FBXO34: variants seen among roughly 807,000 people sequenced by gnomAD.
The protein encoded by FBXO34 is F-box protein 34, also known as F-box only protein 34.
A neutral mutation model predicts 24.5 loss-of-function variants in FBXO34; 12 were observed. The ratio of observed to expected loss-of-function variants is 0.49; its 90% CI spans 0.31 to 0.79. The LOEUF (loss-of-function observed/expected upper bound fraction) is 0.79, where lower values mean the gene tolerates loss of function less well. FBXO34 is among the 30% of genes least tolerant of loss of function. The probability of loss-of-function intolerance (pLI) is 0.04; values close to 1 mark genes in which losing one functional copy is unlikely to be tolerated. For synonymous variants in FBXO34, 320 were observed against 311.9 expected (o/e 1.03, Z -0.27); for missense variants, 823 against 857.7 (o/e 0.96, Z 0.51).
chr14:55,321,553 C>T (rs972530332), intron 1 of FBXO34, among the ~76,000 whole-genome samples: 1 of 152,104 alleles, frequency 6.6e-6, no homozygotes, highest in Non-Finnish European at 1.5e-5. Context: ...AATGCCACCA[C>T]CCCCGGCTAA....
At position 55,285,327 on chromosome 14, in the gene FBXO34, G is replaced by A. The variant is rs895610398; in HGVS notation, c.-11+13790G>A. On this transcript the variant is annotated intron_variant, in intron 1 of 1. Coordinates refer to ENST00000313833, the MANE Select transcript of FBXO34 (RefSeq NM_017943.4). The stretch of plus-strand genomic sequence containing the variant: ...AGAGGTTGCAGTGAGCCGAGGTAGT[G>A]CAGTTGCACTCCAGCCTGGGCAACA... The A allele has an allele frequency of 3.3e-5, 5 of 151,524 alleles. 1 individual carries two copies. Among genetic ancestry groups the A allele is most frequent in the Admixed American group, 6.6e-5 (1 of 15,158 alleles). 9.4% of individuals were successfully genotyped at this position (151,524 alleles called of 1,614,324 possible). A position where few individuals can be genotyped will look rare whatever the true frequency, so the allele number is the denominator to read the frequency against.
the FBXO34 span, chr14:55,414,491 T>TA: frequency 6.9e-7 from 1 of 1,442,674 alleles, no homozygotes. Flanking sequence ...ATTTTTAATA[T>TA]AAAAATACCA....
the FBXO34 span, among the ~76,000 whole-genome samples, chr14:55,410,908 C>G: frequency 4.3e-5 from 6 of 141,040 alleles, no homozygotes; most frequent in Non-Finnish European, 7.8e-5. Context: ...TTTTCTTAAC[C>G]AAGAACTTGT....
downstream of FBXO34, among the ~76,000 whole-genome samples, chr14:55,354,035 G>A (rs1884481106): frequency 1.3e-5 from 2 of 152,208 alleles, no homozygotes; most frequent in Admixed American, 6.5e-5. Context: ...CTTGAGACCA[G>A]TGTCGGCTGC....
At chr14:55,419,057 C>A in the FBXO34 span, among the ~76,000 whole-genome samples, 1 of 152,242 alleles carries the variant, frequency 6.6e-6, no homozygotes, top group African/African-American at 2.4e-5. Context: ...TGCTGACCCT[C>A]ACTGCTAAGA....
the FBXO34 span, among the ~76,000 whole-genome samples, chr14:55,402,309 C>T: frequency 6.6e-6 from 1 of 152,042 alleles, no homozygotes; most frequent in Non-Finnish European, 1.5e-5. Context: ...AATGAAAAGT[C>T]TCAGAAACAC....
intron 1 of FBXO34, among the ~76,000 whole-genome samples, chr14:55,283,409 T>C (rs1881628281): frequency 6.6e-6 from 1 of 152,156 alleles, no homozygotes; most frequent in Non-Finnish European, 1.5e-5. Flanking sequence ...AGCATAATTT[T>C]ACAGATATTT....
downstream of FBXO34, among the ~76,000 whole-genome samples, chr14:55,370,686 G>A (rs898654372): frequency 6.6e-6 from 1 of 151,752 alleles, no homozygotes; most frequent in Non-Finnish European, 1.5e-5. Context: ...CTGTTGCCCA[G>A]GCTGGAGTGC....
chr14:55,334,608 G>A lies in FBXO34; in HGVS notation c.-10-15773G>A, dbSNP rs144792635. On this transcript the variant is annotated intron_variant, in intron 1 of 1. Coordinates refer to ENST00000313833, the MANE Select transcript of FBXO34 (RefSeq NM_017943.4). ...AGAAGTGGTTTCAGTAGTTGCAGTG[G>A]GTAAAGCATGATAAAGATGCTCACA... Among the ~76,000 whole-genome samples the A allele has an allele frequency of 2.6e-4, 39 of 152,016 alleles. No individual in the cohort carries two copies. In the East Asian group the frequency reaches 6.8e-3, roughly 26 times the overall value.
chr14:55,316,085 T>G (rs1228855053), intron 1 of FBXO34, among the ~76,000 whole-genome samples: 3 of 152,198 alleles, frequency 2.0e-5, no homozygotes, highest in Non-Finnish European at 4.4e-5. Flanking sequence ...GTGCTTGCCC[T>G]GTATCACCTT....
the FBXO34 span, among the ~76,000 whole-genome samples, chr14:55,425,371 A>G: frequency 2.0e-5 from 3 of 152,254 alleles, no homozygotes; most frequent in African/African-American, 7.2e-5. Context: ...TGGAGACACA[A>G]AAAGAAGATT....
At chr14:55,360,779 C>G (rs1884583628) in intron 3 of FBXO34, among the ~76,000 whole-genome samples, 1 of 152,046 alleles carries the variant, frequency 6.6e-6, no homozygotes. Flanking sequence ...GGGCGGATCA[C>G]CTGAGGTCAG....
the FBXO34 span, chr14:55,411,526 C>T: frequency 3.4e-5 from 49 of 1,432,614 alleles, no homozygotes; most frequent in Non-Finnish European, 4.5e-5. Context: ...ACGGGGAGCC[C>T]CAGGTTCCAG....
At chr14:55,323,191 A>C (rs1317423417) in intron 1 of FBXO34, among the ~76,000 whole-genome samples, 1 of 31,840 alleles carries the variant, frequency 3.1e-5, no homozygotes, top group African/African-American at 4.1e-4. Flanking sequence ...TCTCAAAAAA[A>C]AAAAAAAAAA....
At chr14:55,346,335 C>T (rs1244044619) in intron 1 of FBXO34, among the ~76,000 whole-genome samples, 1 of 152,238 alleles carries the variant, frequency 6.6e-6, no homozygotes, top group Non-Finnish European at 1.5e-5. Flanking sequence ...GGCAGTTGTG[C>T]TAGGGATAAA....
intron 1 of FBXO34, among the ~76,000 whole-genome samples, chr14:55,313,395 T>C (rs540342040): frequency 1.3e-5 from 2 of 152,300 alleles, no homozygotes; most frequent in African/African-American, 4.8e-5. Flanking sequence ...TCCCACATCT[T>C]CATGTCTTCT....
chr14:55,408,039 C>T, the FBXO34 span, among the ~76,000 whole-genome samples: 1 of 152,098 alleles, frequency 6.6e-6, no homozygotes, highest in Non-Finnish European at 1.5e-5. Context: ...TATTTGAGTG[C>T]GTAATACATT....
the FBXO34 span, among the ~76,000 whole-genome samples, chr14:55,429,545 C>T: frequency 8.8e-3 from 1,346 of 152,266 alleles, 25 homozygotes; most frequent in African/African-American, 0.031. Flanking sequence ...AGGCAGCTCA[C>T]CTGAGGACAG....
intron 1 of FBXO34, among the ~76,000 whole-genome samples, chr14:55,312,061 G>T (rs751613797): frequency 1.3e-5 from 2 of 151,740 alleles, no homozygotes; most frequent in Admixed American, 1.3e-4. Flanking sequence ...TTAGCTGGGT[G>T]TGGTGGCATG....
Sources: allele counts gnomAD v4.1 joint callset (sites outside exome capture counted in the v4.1 genomes callset), GRCh38; gene constraint gnomAD v4.1.1; transcripts MANE v1.5; gene names NCBI Gene and HGNC (gene_info 2026-07-23, HGNC 2026-07-21).